Variants in CSTPP1 observed in about 807,000 individuals in gnomAD.
CSTPP1 encodes the protein UPF0705 protein C11orf49.
the CSTPP1 span, chr11:47,154,599 T>G: frequency 3.1e-4 from 48 of 153,456 alleles, 1 homozygote; most frequent in Admixed American, 1.2e-3. Flanking sequence ...CAAGTGCAGA[T>G]TCCCCAATAG....
chr11:46,979,023 A>T, the CSTPP1 span, among the ~76,000 whole-genome samples: 5,707 of 152,282 alleles, frequency 0.037, 335 homozygotes, highest in African/African-American at 0.13. Flanking sequence ...TAATATCACT[A>T]TTCTGTATAT....
At chr11:47,012,533 C>G in the CSTPP1 span, among the ~76,000 whole-genome samples, 1 of 151,658 alleles carries the variant, frequency 6.6e-6, no homozygotes, top group Non-Finnish European at 1.5e-5. Context: ...GCAAAGCAAA[C>G]TTTATTTGCT....
chr11:47,164,032 C>T, the CSTPP1 span: 14 of 1,537,176 alleles, frequency 9.1e-6, no homozygotes, highest in Admixed American at 4.0e-5. Context: ...GTTGCTCGCT[C>T]GCCCTCAGCC....
At chr11:46,993,951 G>A in the CSTPP1 span, among the ~76,000 whole-genome samples, 153 of 152,038 alleles carry the variant, frequency 1.0e-3, no homozygotes, top group African/African-American at 3.6e-3. Context: ...CTTTTATTTC[G>A]TTGAGCAGTG....
At chr11:47,060,792 C>G in the CSTPP1 span, among the ~76,000 whole-genome samples, 1 of 152,122 alleles carries the variant, frequency 6.6e-6, no homozygotes, top group Admixed American at 6.5e-5. Context: ...CCCCAAAACC[C>G]TATGAAAATA....
chr11:47,137,484 T>G, the CSTPP1 span: 4 of 1,501,014 alleles, frequency 2.7e-6, no homozygotes, highest in Non-Finnish European at 3.5e-6. Flanking sequence ...GATCTTAAAA[T>G]CTCACACCTG....
At chr11:47,007,583 G>A in the CSTPP1 span, among the ~76,000 whole-genome samples, 69 of 151,542 alleles carry the variant, frequency 4.6e-4, no homozygotes, top group African/African-American at 1.6e-3. Context: ...TTTATTGTCT[G>A]GATACCCTGT....
the CSTPP1 span, among the ~76,000 whole-genome samples, chr11:47,101,197 T>TTTTTTTTTCTTTTTTTTC: frequency 7.3e-6 from 1 of 136,820 alleles, no homozygotes. Context: ...TTTATTTTAT[T>TTTTTTTTTCTTTTTTTTC]TTTAGTAGAG....
At chr11:47,112,565 G>A in the CSTPP1 span, among the ~76,000 whole-genome samples, 2 of 152,050 alleles carry the variant, frequency 1.3e-5, no homozygotes, top group African/African-American at 2.4e-5. Flanking sequence ...CAAGTGATCC[G>A]CCTGCCTTGG....
At chr11:47,026,640 G>A in the CSTPP1 span, among the ~76,000 whole-genome samples, 2 of 152,206 alleles carry the variant, frequency 1.3e-5, no homozygotes, top group African/African-American at 4.8e-5. Flanking sequence ...CTCTTTGGGA[G>A]GCCGAGGTGG....
the CSTPP1 span, among the ~76,000 whole-genome samples, chr11:47,131,747 C>T: frequency 9.1e-3 from 1,389 of 152,172 alleles, 16 homozygotes; most frequent in Middle Eastern, 0.051. Context: ...GAGGCTGAGG[C>T]GGGTGGATCA....
At chr11:47,090,105 C>T in the CSTPP1 span, among the ~76,000 whole-genome samples, 12 of 152,262 alleles carry the variant, frequency 7.9e-5, no homozygotes, top group East Asian at 1.4e-3. Context: ...CCTCAGCCTC[C>T]GGAGTAGCTG....
chr11:47,093,560 A>G, the CSTPP1 span, among the ~76,000 whole-genome samples: 1 of 152,312 alleles, frequency 6.6e-6, no homozygotes, highest in East Asian at 1.9e-4. Flanking sequence ...TTTTGAGGGT[A>G]GGGGCTCTGT....
At chr11:47,117,022 G>A in the CSTPP1 span, among the ~76,000 whole-genome samples, 7 of 152,148 alleles carry the variant, frequency 4.6e-5, no homozygotes, top group African/African-American at 7.2e-5. Context: ...TTCAGCCTAT[G>A]TGTGTCTTTG....
chr11:47,000,596 G>GT, the CSTPP1 span, among the ~76,000 whole-genome samples: 11 of 152,208 alleles, frequency 7.2e-5, no homozygotes, highest in African/African-American at 2.6e-4. Context: ...ACTACCTTTG[G>GT]TTTATTTTAA....
chr11:47,137,803 T>G, the CSTPP1 span: 1 of 1,454,822 alleles, frequency 6.9e-7, no homozygotes. Flanking sequence ...CTGGAGTGTA[T>G]ACAAATGAAA....
the CSTPP1 span, among the ~76,000 whole-genome samples, chr11:47,085,669 C>T: frequency 6.6e-6 from 1 of 151,966 alleles, no homozygotes; most frequent in Admixed American, 6.6e-5. Flanking sequence ...GTGGGTGGAT[C>T]ACCTGAGGTC....
chr11:47,137,825 T>G, the CSTPP1 span: 5 of 1,276,632 alleles, frequency 3.9e-6, no homozygotes, highest in Non-Finnish European at 5.6e-6. Context: ...AAAGGAGCAT[T>G]TAGGGAAGAA....
the CSTPP1 span, among the ~76,000 whole-genome samples, chr11:46,938,952 T>A: frequency 3.3e-5 from 5 of 151,862 alleles, no homozygotes; most frequent in Admixed American, 3.3e-4. Flanking sequence ...AATTTTTTAA[T>A]TTTTTGTAGA....
Sources: allele counts gnomAD v4.1 joint callset (sites outside exome capture counted in the v4.1 genomes callset), GRCh38; gene constraint gnomAD v4.1.1; transcripts MANE v1.5; gene names NCBI Gene and HGNC (gene_info 2026-07-23, HGNC 2026-07-21).